The following NRAP variants were observed in gnomAD, a reference collection of about 807,000 sequenced individuals.
The protein encoded by NRAP is nebulin related anchoring protein, also known as nebulin-related-anchoring protein.
A neutral mutation model predicts 225.9 loss-of-function variants in NRAP; 189 were observed. That is an observed-to-expected ratio of 0.84 (90% CI 0.74 to 0.94). NRAP has a LOEUF of 0.94. NRAP is among the 40% of genes least tolerant of loss of function. The probability of loss-of-function intolerance (pLI) is 0.00; values close to 1 mark genes in which losing one functional copy is unlikely to be tolerated. For synonymous variants in NRAP, 769 were observed against 790.7 expected, an observed-to-expected ratio of 0.97 and a Z score of 0.46; for missense variants, 2,176 against 2,168.7, an observed-to-expected ratio of 1.00 and a Z score of -0.07.
chr10:113,658,362 A>T (rs563983670), intron 3 of NRAP, among the ~76,000 whole-genome samples: 8 of 152,224 alleles, frequency 5.3e-5, no homozygotes, highest in Admixed American at 6.5e-5. Context: ...GTTCAGAATC[A>T]GTCTGTCCAT....
chr10:113,644,087 C>T (rs974802156), intron 11 of NRAP, among the ~76,000 whole-genome samples: 3 of 126,250 alleles, frequency 2.4e-5, no homozygotes, highest in Admixed American at 1.1e-4. Context: ...GTGGAGGTTG[C>T]GGTGAGCTGA....
chr10:113,644,337 G>C (rs559585028), intron 11 of NRAP, among the ~76,000 whole-genome samples: 2 of 152,150 alleles, frequency 1.3e-5, no homozygotes, highest in Admixed American at 1.3e-4. Context: ...TCTAGGTCTA[G>C]TGTTCTGTGA....
At position 113,592,182 on chromosome 10, in the gene NRAP, TG is replaced by T; in HGVS notation, c.4644+11del. 6.5e-7 allele frequency: 1 copy of T among 1,550,204 alleles called. No individual in the cohort carries two copies. Among genetic ancestry groups the T allele is most frequent in the Non-Finnish European group, 8.9e-7 (1 of 1,127,156 alleles). ...TCATCAGTGACCGCAGGAGAGAACA[TG>T]GGGGTCTTACATCACTGGCGATCTC... On this transcript the variant is annotated intron_variant, in intron 39 of 41. Transcript: ENST00000359988.
At chr10:113,596,949 C>A (rs1564696914) in intron 37 of NRAP, 137 bp downstream of exon 37, 2 of 593,384 alleles carry the variant, frequency 3.4e-6, no homozygotes, top group Non-Finnish European at 6.1e-6. Flanking sequence ...GATTTACACA[C>A]CCATCTGTCC....
In NRAP at chr10:113,626,100, T is replaced by C. The variant is rs753459303; in HGVS notation, c.2191A>G (p.Thr731Ala). Residue 731 changes from threonine to alanine, a missense_variant, in exon 21 of 42, where the codon ACC (threonine) becomes GCC (alanine). Coordinates refer to ENST00000359988, the MANE Select transcript of NRAP (RefSeq NM_198060.4). ...GCGTGCTCCATCTGGGAGCTGTCGG[T>C]CACGCTGGTGAACTTCAGCTCATCG... is the stretch of plus-strand genomic sequence containing the variant. Reference protein sequence around the residue: ...RVDELKFTSVTDSSQMEHAKK... With the variant: ...RVDELKFTSVADSSQMEHAKK... 2 of 1,612,350 alleles carry C rather than the reference T, an allele frequency of 1.2e-6. No individual in the cohort carries two copies. Among genetic ancestry groups the C allele is most frequent in the African/African-American group, 1.3e-5 (1 of 75,022 alleles).
intron 15 of NRAP, 65 bp from the exon 16 acceptor site, chr10:113,633,253 T>A (rs1441288300): frequency 2.0e-5 from 18 of 909,180 alleles, no homozygotes; most frequent in African/African-American, 3.3e-5. Context: ...TAGGGACCCA[T>A]AGCTCTTTCC....
At chr10:113,636,813 C>G (rs1402348182) in intron 14 of NRAP, among the ~76,000 whole-genome samples, 5 of 152,022 alleles carry the variant, frequency 3.3e-5, no homozygotes, top group Non-Finnish European at 5.9e-5. Context: ...TCAAGACCAG[C>G]CTCACCAACA....
At chr10:113,619,042 G>C (rs1847830846) in intron 25 of NRAP, among the ~76,000 whole-genome samples, 1 of 152,202 alleles carries the variant, frequency 6.6e-6, no homozygotes, top group East Asian at 1.9e-4. Flanking sequence ...GTTGCTGAAA[G>C]ATGCCTTGCC....
At chr10:113,623,200 C>G (rs1564727569) in intron 23 of NRAP, among the ~76,000 whole-genome samples, 1 of 152,196 alleles carries the variant, frequency 6.6e-6, no homozygotes. Flanking sequence ...CTGTATTAAC[C>G]ATTAACAGAC....
intron 6 of NRAP, 48 bp downstream of exon 6, chr10:113,652,887 T>C (rs1850066799): frequency 7.6e-7 from 1 of 1,313,598 alleles, no homozygotes; most frequent in Non-Finnish European, 1.1e-6. Flanking sequence ...GGCTCATTAA[T>C]GACAAAAATT....
intron 14 of NRAP, 42 bp downstream of exon 14, chr10:113,640,185 G>A (rs139531820): frequency 2.5e-5 from 29 of 1,158,294 alleles, no homozygotes; most frequent in Admixed American, 2.1e-4. Context: ...GGAAGGAAGC[G>A]ACAAGTGACA....
At chr10:113,608,823 G>C (rs992410322) in intron 31 of NRAP, among the ~76,000 whole-genome samples, 1 of 152,198 alleles carries the variant, frequency 6.6e-6, no homozygotes, top group Non-Finnish European at 1.5e-5. Flanking sequence ...CAGAGAACCA[G>C]TGCTCCTCTA....
chr10:113,603,414 C>T (rs898591926), intron 35 of NRAP, among the ~76,000 whole-genome samples: 13 of 151,956 alleles, frequency 8.6e-5, no homozygotes, highest in Non-Finnish European at 1.5e-5. Context: ...GGGCATGGCT[C>T]CCTGCTCTGA....
At chr10:113,612,152 T>A (rs144736755) in intron 30 of NRAP, 82 bp downstream of exon 30, 139 of 1,131,126 alleles carry the variant, frequency 1.2e-4, no homozygotes, top group Middle Eastern at 8.0e-4. Context: ...GAGATTTCAC[T>A]GAGCCAACAG....
intron 19 of NRAP, among the ~76,000 whole-genome samples, chr10:113,629,319 T>G (rs553204796): frequency 1.3e-5 from 2 of 152,146 alleles, no homozygotes; most frequent in African/African-American, 2.4e-5. Context: ...CCAAGATTTA[T>G]TTACCATTTT....
At position 113,636,877 on chromosome 10, in the gene NRAP, C is replaced by T. The variant is rs548914725; in HGVS notation, c.1429-2667G>A. Among the ~76,000 whole-genome samples, 13 of 152,082 alleles carry T rather than the reference C, an allele frequency of 8.5e-5. No homozygotes were observed. In the East Asian group the frequency reaches 9.7e-4, roughly 11 times the overall value. On this transcript the variant is annotated intron_variant, in intron 14 of 41. Coordinates refer to ENST00000359988, the MANE Select transcript of NRAP (RefSeq NM_198060.4). ...CAAAAATTAGCCGGGCGTGGTGGCT[C>T]GCGCCTGTAACCCGAGATACTCGGG...
chr10:113,645,414 T>C (rs1162533914), intron 11 of NRAP, among the ~76,000 whole-genome samples: 1 of 102,562 alleles, frequency 9.8e-6, no homozygotes, highest in Non-Finnish European at 2.4e-5. Context: ...TCACCTTTTT[T>C]GTTGTTTGTT....
intron 7 of NRAP, among the ~76,000 whole-genome samples, chr10:113,650,755 A>G (rs1199098078): frequency 6.6e-6 from 1 of 152,168 alleles, no homozygotes; most frequent in African/African-American, 2.4e-5. Flanking sequence ...GAGACACCCA[A>G]TGTGGAGTTC....
chr10:113,648,346 T>A (rs2134143562), intron 9 of NRAP, among the ~76,000 whole-genome samples: 1 of 152,154 alleles, frequency 6.6e-6, no homozygotes, highest in Non-Finnish European at 1.5e-5. Context: ...AAGGTTAAGT[T>A]TTTTTAAAAG....
Sources: gnomAD v4.1 joint callset for allele counts (sites outside exome capture counted in the v4.1 genomes callset) on GRCh38, gnomAD v4.1.1 for gene constraint, MANE v1.5 for transcripts, NCBI Gene and HGNC (gene_info 2026-07-23, HGNC 2026-07-21) for gene names.